ASTN2: variants seen among roughly 807,000 people sequenced by gnomAD.
ASTN2 encodes astrotactin-2.
ASTN2 carries 54 observed loss-of-function variants against 139.8 expected under a neutral mutation model. The observed-to-expected ratio is 0.39, with a 90% CI of 0.31 to 0.48. The LOEUF (loss-of-function observed/expected upper bound fraction) is 0.48, where lower values mean the gene tolerates loss of function less well. Among genes scored for constraint, ASTN2 ranks in the 20% least tolerant of loss-of-function variants. The probability of loss-of-function intolerance (pLI) is 0.95; values close to 1 mark genes in which losing one functional copy is unlikely to be tolerated. For synonymous variants in ASTN2, 756 were observed against 719.5 expected (o/e 1.05, Z -0.81); for missense variants, 1,565 against 1,725.1 (o/e 0.91, Z 1.64).
At chr9:116,467,547 A>G (rs188597471) in intron 20 of ASTN2, among the ~76,000 whole-genome samples, 2 of 152,342 alleles carry the variant, frequency 1.3e-5, no homozygotes, top group East Asian at 1.9e-4. Context: ...TTACAGGCGT[A>G]AGCCACTGCA....
At chr9:116,436,009 A>G (rs1225758728) in intron 22 of ASTN2, among the ~76,000 whole-genome samples, 1 of 152,184 alleles carries the variant, frequency 6.6e-6, no homozygotes, top group Non-Finnish European at 1.5e-5. Flanking sequence ...TCACATGCCA[A>G]ATGCCACCGC....
At chr9:116,709,111 C>A (rs1828072920) in intron 16 of ASTN2, among the ~76,000 whole-genome samples, 1 of 152,204 alleles carries the variant, frequency 6.6e-6, no homozygotes, top group Admixed American at 6.5e-5. Context: ...ACTCTCCATA[C>A]CAGCTGCCCA....
intron 11 of ASTN2, among the ~76,000 whole-genome samples, chr9:116,837,342 C>T (rs1453683595): frequency 1.3e-5 from 2 of 152,144 alleles, no homozygotes; most frequent in East Asian, 1.9e-4. Flanking sequence ...CCTCATTCTG[C>T]TCTATTTCAG....
intron 16 of ASTN2, among the ~76,000 whole-genome samples, chr9:116,676,652 A>G (rs1276088221): frequency 6.6e-6 from 1 of 152,202 alleles, no homozygotes; most frequent in Non-Finnish European, 1.5e-5. Flanking sequence ...TGAGCAGTTA[A>G]AAGCCTTGCA....
chr9:116,800,459 T>C (rs985707018), intron 13 of ASTN2, among the ~76,000 whole-genome samples: 2 of 152,144 alleles, frequency 1.3e-5, no homozygotes, highest in African/African-American at 2.4e-5. Context: ...TATCACCACA[T>C]GCTCGCCCCC....
At chr9:116,614,906 C>T (rs1855759066) in intron 19 of ASTN2, among the ~76,000 whole-genome samples, 1 of 152,126 alleles carries the variant, frequency 6.6e-6, no homozygotes, top group Non-Finnish European at 1.5e-5. Flanking sequence ...TTCTGCACAA[C>T]AAAAGAAACT....
chr9:116,982,553 T>TG (rs1242326517), intron 7 of ASTN2, among the ~76,000 whole-genome samples: 1 of 151,636 alleles, frequency 6.6e-6, no homozygotes, highest in Non-Finnish European at 1.5e-5. Flanking sequence ...ATTTGGGATT[T>TG]TTTTTTTAAA....
intron 22 of ASTN2, among the ~76,000 whole-genome samples, chr9:116,435,657 T>G (rs1242163441): frequency 6.6e-6 from 1 of 152,236 alleles, no homozygotes; most frequent in Non-Finnish European, 1.5e-5. Context: ...CCCTTCCACC[T>G]GGAGGACCCT....
chr9:117,392,775 G>C (rs1830575909), intron 1 of ASTN2, among the ~76,000 whole-genome samples: 1 of 152,152 alleles, frequency 6.6e-6, no homozygotes, highest in Non-Finnish European at 1.5e-5. Flanking sequence ...AATGCCCTGA[G>C]GAAAAAGGCT....
chr9:116,426,847 A>G (rs1277135642), intron 22 of ASTN2, among the ~76,000 whole-genome samples: 2 of 152,182 alleles, frequency 1.3e-5, no homozygotes, highest in Admixed American at 1.3e-4. Context: ...AAGTTAAGTA[A>G]GAGAAATGCC....
intron 19 of ASTN2, among the ~76,000 whole-genome samples, chr9:116,593,687 A>G (rs906910748): frequency 6.6e-6 from 1 of 152,218 alleles, no homozygotes; most frequent in Non-Finnish European, 1.5e-5. Context: ...TCAACTTCAG[A>G]TATCATAACC....
chr9:117,308,248 TCAAA>T (rs796971338), intron 1 of ASTN2, among the ~76,000 whole-genome samples: 13 of 138,838 alleles, frequency 9.4e-5, no homozygotes, highest in South Asian at 9.2e-4. Flanking sequence ...AATCAATCAA[TCAAA>T]CAAACAAAAA....
chr9:116,537,306 T>C (rs921776203), intron 19 of ASTN2, among the ~76,000 whole-genome samples: 2 of 152,372 alleles, frequency 1.3e-5, no homozygotes, highest in African/African-American at 4.8e-5. Flanking sequence ...TTTTTTCTTT[T>C]ACTTGGCCTT....
intron 19 of ASTN2, among the ~76,000 whole-genome samples, chr9:116,517,613 A>G (rs1850705178): frequency 6.6e-6 from 1 of 152,214 alleles, no homozygotes; most frequent in African/African-American, 2.4e-5. Flanking sequence ...ACACCCATAA[A>G]AGATGATACT....
chr9:117,106,441 C>CA (rs1257909811), intron 4 of ASTN2, among the ~76,000 whole-genome samples: 1 of 151,960 alleles, frequency 6.6e-6, no homozygotes, highest in African/African-American at 2.4e-5. Context: ...AAGTGATATC[C>CA]ACCCCCCTCA....
At chr9:117,300,520 T>A (rs1834849144) in intron 1 of ASTN2, among the ~76,000 whole-genome samples, 1 of 152,200 alleles carries the variant, frequency 6.6e-6, no homozygotes, top group African/African-American at 2.4e-5. Flanking sequence ...AAGTGTGTGG[T>A]AATGACCACA....
At chr9:117,236,053 T>A (rs1833035132) in intron 2 of ASTN2, among the ~76,000 whole-genome samples, 1 of 152,216 alleles carries the variant, frequency 6.6e-6, no homozygotes, top group Non-Finnish European at 1.5e-5. Flanking sequence ...ACCCTGGGAA[T>A]CTGGTGACAT....
rs1428368032 is a variant in ASTN2 at position 117,323,369 on chromosome 9, A to ACCACCACCG, written c.443-31857_443-31856insCGGTGGTGG. On this transcript the variant is annotated intron_variant, in intron 1 of 22. Transcript: ENST00000313400. Reference sequence around the variant, plus strand: ...CCCCTCAAAGACTACCACCACCACCACTACCATTTGATCCTAACTGCATTT... The same window carrying ACCACCACCG: ...CCCCTCAAAGACTACCACCACCACCACCACCACCGCTACCATTTGATCCTAACTGCATTT... Among the ~76,000 whole-genome samples the ACCACCACCG allele has an allele frequency of 8.6e-5, 13 of 151,758 alleles. No individual in the cohort carries two copies. In the East Asian group the frequency reaches 2.3e-3, roughly 27 times the overall value.
At chr9:117,284,769 C>G (rs547572354) in intron 2 of ASTN2, among the ~76,000 whole-genome samples, 2 of 152,210 alleles carry the variant, frequency 1.3e-5, no homozygotes, top group Non-Finnish European at 2.9e-5. Context: ...TATCTATCAT[C>G]TCTGATGATT....
Sources: gnomAD v4.1 joint callset for allele counts (sites outside exome capture counted in the v4.1 genomes callset) on GRCh38, gnomAD v4.1.1 for gene constraint, MANE v1.5 for transcripts, NCBI Gene and HGNC (gene_info 2026-07-23, HGNC 2026-07-21) for gene names.